The following PCNX1 variants were observed in gnomAD, a reference collection of about 807,000 sequenced individuals.
The protein encoded by PCNX1 is pecanex 1.
Under a neutral mutation model 242.2 loss-of-function variants are expected in PCNX1, and 78 were observed. The ratio of observed to expected loss-of-function variants is 0.32; its 90% confidence interval spans 0.27 to 0.39. PCNX1 has a LOEUF of 0.39. Among genes scored for constraint, PCNX1 ranks in the 10% least tolerant of loss-of-function variants. The pLI, the probability that PCNX1 is intolerant of heterozygous loss-of-function variation, is 1.00. For synonymous variants in PCNX1, 1,024 were observed against 1,032.9 expected (o/e 0.99, Z 0.17); for missense variants, 2,581 against 2,856.5 (o/e 0.90, Z 2.20).
At chr14:70,911,166 G>C (rs1360899333) in intron 1 of PCNX1, among the ~76,000 whole-genome samples, 1 of 152,170 alleles carries the variant, frequency 6.6e-6, no homozygotes, top group Non-Finnish European at 1.5e-5. Flanking sequence ...ACATGTATAG[G>C]TTCTTTAACC....
intron 28 of PCNX1, chr14:71,085,555 A>C (rs1188376873): frequency 6.5e-6 from 1 of 153,356 alleles, no homozygotes; most frequent in Non-Finnish European, 1.5e-5. Context: ...CAGCTGTAAC[A>C]GCTTTTCCAG....
At chr14:70,968,583 A>G (rs2810096) in intron 4 of PCNX1, among the ~76,000 whole-genome samples, 106,912 of 152,022 alleles carry the variant, frequency 0.7, 37,587 homozygotes, top group South Asian at 0.77. Context: ...TTCTAATGTG[A>G]CCACAAATGA....
At position 71,108,657 on chromosome 14, in the gene PCNX1, G is replaced by A; in HGVS notation, c.6355G>A (p.Ala2119Thr). Residue 2119 changes from alanine (A) to threonine (T), a missense_variant, in exon 34 of 36, where the codon GCC (alanine) becomes ACC (threonine). Transcript: ENST00000304743. The part of the protein sequence containing the change: ...VQSGLVRQSP[A>T]RASVASQSSY... The stretch of plus-strand genomic sequence containing the variant: ...GTCGGGCCTGGTCAGACAGTCTCCT[G>A]CCCGGGCCTCAGTAGCCAGCCAGTC... The A allele has an allele frequency of 6.2e-7, 1 of 1,614,160 alleles. No individual in the cohort carries two copies. The highest frequency in any genetic ancestry group is 8.5e-7 in the Non-Finnish European group (1 of 1,180,032).
At chr14:70,966,579 C>T (rs1053277023) in intron 3 of PCNX1, among the ~76,000 whole-genome samples, 1 of 152,202 alleles carries the variant, frequency 6.6e-6, no homozygotes, top group African/African-American at 2.4e-5. Context: ...CTAGTTCATA[C>T]ACCTACCTCT....
chr14:71,092,151 C>T (rs2062151138), intron 30 of PCNX1, among the ~76,000 whole-genome samples: 1 of 152,164 alleles, frequency 6.6e-6, no homozygotes, highest in African/African-American at 2.4e-5. Flanking sequence ...TGTGGTTGCC[C>T]ACCATTCCGA....
chr14:70,956,761 C>T (rs1368327607), intron 2 of PCNX1, among the ~76,000 whole-genome samples: 3 of 152,222 alleles, frequency 2.0e-5, no homozygotes, highest in African/African-American at 4.8e-5. Flanking sequence ...TCCCCTCCCA[C>T]GTGAACTCCA....
chr14:70,948,673 A>G (rs2057567818), intron 2 of PCNX1, among the ~76,000 whole-genome samples: 2 of 150,544 alleles, frequency 1.3e-5, no homozygotes, highest in Non-Finnish European at 3.0e-5. Flanking sequence ...ACGTGTCTAT[A>G]TAGATGTGTA....
At chr14:70,972,976 G>T (rs1028175275) in intron 5 of PCNX1, among the ~76,000 whole-genome samples, 1 of 152,128 alleles carries the variant, frequency 6.6e-6, no homozygotes, top group Non-Finnish European at 1.5e-5. Flanking sequence ...TTCTAGCTGG[G>T]TGCGGTGACT....
intron 2 of PCNX1, among the ~76,000 whole-genome samples, chr14:70,947,568 A>G (rs1158672856): frequency 2.6e-5 from 4 of 152,190 alleles, no homozygotes; most frequent in Non-Finnish European, 5.9e-5. Context: ...GTACTCTTAT[A>G]GTTTCCTATG....
At chr14:70,923,429 A>G (rs1043696349) in intron 1 of PCNX1, among the ~76,000 whole-genome samples, 3 of 152,196 alleles carry the variant, frequency 2.0e-5, no homozygotes, top group Non-Finnish European at 4.4e-5. Flanking sequence ...TTTTCTTCCA[A>G]TACTTTTAAA....
rs115848386 is a variant in PCNX1, at chr14:71,102,940, T to C, written c.5821-455T>C. On this transcript the variant is annotated intron_variant, in intron 31 of 35. Coordinates refer to ENST00000304743, the MANE Select transcript of PCNX1 (RefSeq NM_014982.3). ...GTTCATTCTAACTTTTGCTTGTTTGTTTTTTTAAACATCTCAGTGCTTTAA... is the reference window on the plus strand; with the variant it reads ...GTTCATTCTAACTTTTGCTTGTTTGCTTTTTTAAACATCTCAGTGCTTTAA... Among the ~76,000 whole-genome samples, 1,333 of 152,260 alleles carry C rather than the reference T, an allele frequency of 8.8e-3. 12 individuals carry two copies. The highest frequency in any genetic ancestry group is 0.03 in the African/African-American group (1,257 of 41,554).
chr14:70,992,578 G>C (rs1279544255), intron 7 of PCNX1, among the ~76,000 whole-genome samples: 1 of 152,130 alleles, frequency 6.6e-6, no homozygotes, highest in Admixed American at 6.5e-5. Flanking sequence ...TGTGTCAAGT[G>C]CCAATTAAGT....
At chr14:70,908,407 G>T (rs1046294923) in intron 1 of PCNX1, among the ~76,000 whole-genome samples, 5 of 152,034 alleles carry the variant, frequency 3.3e-5, no homozygotes, top group Admixed American at 6.5e-5. Context: ...TGGGTTCCTC[G>T]GGCGCCCGGC....
At position 71,028,703 on chromosome 14, in the gene PCNX1, C is replaced by T; in HGVS notation, c.3470C>T (p.Thr1157Ile). ...LDIHIFGGNA[T>I]TSLLAALYSF... is the part of the protein sequence containing the mutation. The stretch of plus-strand genomic sequence containing the variant: ...ACCTTTTCCTTTTCCTGTCTAGCCA[C>T]TACAAGCCTGCTTGCAGCACTTTAC... The change falls in exon 16 of 36, where the codon ACT (threonine) becomes ATT (isoleucine). Residue 1157 changes from threonine (T) to isoleucine (I), a missense_variant. Around this residue, in one of 9 missense-constraint regions of PCNX1, gnomAD observed 432 missense variants for 443.1 expected, o/e 0.97. Transcript: ENST00000304743. The T allele has an allele frequency of 6.3e-7, 1 of 1,597,808 alleles. No homozygotes were observed. The highest frequency in any genetic ancestry group is 8.5e-7 in the Non-Finnish European group (1 of 1,170,654).
chr14:71,093,303 A>G (rs2062184641), intron 30 of PCNX1: 1 of 151,466 alleles, frequency 6.6e-6, no homozygotes, highest in Non-Finnish European at 1.5e-5. Flanking sequence ...CAAGGAAATC[A>G]TGAGATTGTG....
At chr14:70,921,163 C>G (rs1275670231) in intron 1 of PCNX1, among the ~76,000 whole-genome samples, 1 of 152,050 alleles carries the variant, frequency 6.6e-6, no homozygotes, top group Non-Finnish European at 1.5e-5. Context: ...TAAAAACAAA[C>G]AATTCAGAAA....
chr14:71,082,708 T>C (rs1380199161), intron 28 of PCNX1, among the ~76,000 whole-genome samples: 1 of 152,190 alleles, frequency 6.6e-6, no homozygotes, highest in East Asian at 1.9e-4. Context: ...TTGGTAAATA[T>C]TCCTCCATCC....
chr14:71,068,858 T>G (rs1261875222), intron 26 of PCNX1, among the ~76,000 whole-genome samples: 3 of 151,898 alleles, frequency 2.0e-5, no homozygotes, highest in Non-Finnish European at 4.4e-5. Context: ...AGTTTAATTT[T>G]GCTTGTGCCT....
chr14:71,058,175 A>C (rs1427593991), intron 26 of PCNX1, among the ~76,000 whole-genome samples: 1 of 152,208 alleles, frequency 6.6e-6, no homozygotes, highest in Admixed American at 6.5e-5. Flanking sequence ...CACATAAAAT[A>C]AAATTGATAT....
Sources: gnomAD v4.1 joint callset for allele counts (sites outside exome capture counted in the v4.1 genomes callset) on GRCh38, gnomAD v4.1.1 for gene constraint, gnomAD v4.1.1 regional missense constraint, MANE v1.5 for transcripts, NCBI Gene and HGNC (gene_info 2026-07-23, HGNC 2026-07-21) for gene names.